The following PDZRN3 variants were observed in gnomAD, a reference collection of about 807,000 sequenced individuals.
PDZRN3 encodes the protein PDZ domain containing ring finger 3.
PDZRN3 carries 38 observed loss-of-function variants against 85.7 expected under a neutral mutation model. That is an observed-to-expected ratio of 0.44 (90% CI 0.34 to 0.58). PDZRN3 has a LOEUF of 0.58. Ranked by LOEUF, PDZRN3 falls within the 20% of genes least tolerant of loss-of-function variation. PDZRN3 has a pLI of 0.01. For missense variants in PDZRN3, 1,629 were observed against 1,506.4 expected (o/e 1.08, Z -1.35); for synonymous variants, 759 against 638.0 (o/e 1.19, Z -2.86).
At chr3:73,581,598 CA>C (rs1004186716) in intron 3 of PDZRN3, among the ~76,000 whole-genome samples, 4 of 151,900 alleles carry the variant, frequency 2.6e-5, no homozygotes, top group African/African-American at 7.2e-5. Context: ...CTTGTAGGTC[CA>C]AAAAAATGCA....
Position 73,557,346 on chromosome 3 carries a change from C to A in PDZRN3, c.918+45008G>T, listed in dbSNP as rs570401463. 3.9e-5 allele frequency among the ~76,000 whole-genome samples: 6 copies of A among 152,318 alleles called. No homozygotes were observed. The South Asian group carries it at 1.0e-3, about 26-fold the overall frequency. On this transcript the variant is annotated intron_variant, in intron 3 of 9. Coordinates refer to ENST00000263666, the MANE Select transcript of PDZRN3 (RefSeq NM_015009.3). ...GGGTGTGTCATATTAGAGACAACAG[C>A]TGCTTCAAGTTAATAAAATCTGAAA...
intron 3 of PDZRN3, among the ~76,000 whole-genome samples, chr3:73,477,898 G>A (rs1241192233): frequency 6.6e-6 from 1 of 152,136 alleles, no homozygotes; most frequent in Non-Finnish European, 1.5e-5. Context: ...CGTGTGCAGG[G>A]GAACTGTCCT....
intron 3 of PDZRN3, among the ~76,000 whole-genome samples, chr3:73,578,201 T>TTGCCCAGGC (rs1192028786): frequency 2.0e-5 from 3 of 150,962 alleles, no homozygotes; most frequent in Non-Finnish European, 3.0e-5. Context: ...TCTCGCTCTG[T>TTGCCCAGGC]TGCCCAGGCT....
chr3:73,544,308 A>AC (rs1452577179), intron 3 of PDZRN3, among the ~76,000 whole-genome samples: 1 of 152,192 alleles, frequency 6.6e-6, no homozygotes, highest in Non-Finnish European at 1.5e-5. Flanking sequence ...TTATTATATT[A>AC]CACAGATGAG....
At chr3:73,565,786 AACACACAC>A (rs61564723) in intron 3 of PDZRN3, among the ~76,000 whole-genome samples, 3,165 of 37,874 alleles carry the variant, frequency 0.084, 120 homozygotes, top group African/African-American at 0.14. Context: ...AAAAATACAA[AACACACAC>A]ACACACACAC....
At chr3:73,569,705 A>G (rs533141088) in intron 3 of PDZRN3, among the ~76,000 whole-genome samples, 1 of 152,076 alleles carries the variant, frequency 6.6e-6, no homozygotes, top group Non-Finnish European at 1.5e-5. Context: ...TCAAACATGC[A>G]CTCACTGAGC....
intron 1 of PDZRN3, among the ~76,000 whole-genome samples, chr3:73,609,147 T>C (rs1702646105): frequency 6.6e-6 from 1 of 152,132 alleles, no homozygotes; most frequent in Non-Finnish European, 1.5e-5. Context: ...AATAGCCATC[T>C]CTGTTTGGGA....
chr3:73,617,648 A>G (rs1702783884), intron 1 of PDZRN3, among the ~76,000 whole-genome samples: 1 of 152,222 alleles, frequency 6.6e-6, no homozygotes, highest in Non-Finnish European at 1.5e-5. Flanking sequence ...TTACCAGGAT[A>G]AAAATTAAAG....
intron 3 of PDZRN3, among the ~76,000 whole-genome samples, chr3:73,440,832 C>T (rs1017148711): frequency 2.0e-5 from 3 of 152,182 alleles, no homozygotes; most frequent in Non-Finnish European, 2.9e-5. Flanking sequence ...AAATTCACAG[C>T]CTCTTAGGAA....
chr3:73,492,145 A>G (rs1368767908), intron 3 of PDZRN3, among the ~76,000 whole-genome samples: 1 of 152,224 alleles, frequency 6.6e-6, no homozygotes, highest in East Asian at 1.9e-4. Flanking sequence ...TTTCCTGAGC[A>G]TATCAGGCCC....
At chr3:73,522,692 T>C (rs1171292825) in intron 3 of PDZRN3, among the ~76,000 whole-genome samples, 2 of 152,214 alleles carry the variant, frequency 1.3e-5, no homozygotes, top group South Asian at 4.1e-4. Context: ...GCTCTTGGCC[T>C]CCCAAAGTGC....
chr3:73,555,524 T>C (rs141123033), intron 3 of PDZRN3, among the ~76,000 whole-genome samples: 1 of 152,346 alleles, frequency 6.6e-6, no homozygotes, highest in East Asian at 1.9e-4. Flanking sequence ...ATTATTCTCT[T>C]TGGTATACCC....
chr3:73,542,758 G>C (rs1048351752), intron 3 of PDZRN3, among the ~76,000 whole-genome samples: 2 of 151,950 alleles, frequency 1.3e-5, no homozygotes, highest in Non-Finnish European at 2.9e-5. Flanking sequence ...TGGGCGACAA[G>C]TGGGAAACTC....
intron 3 of PDZRN3, among the ~76,000 whole-genome samples, chr3:73,499,552 C>G (rs1703935114): frequency 6.6e-6 from 1 of 152,202 alleles, no homozygotes; most frequent in African/African-American, 2.4e-5. Flanking sequence ...TAGATATTAA[C>G]AACCACAAGT....
chr3:73,513,934 T>G (rs1273258643), intron 3 of PDZRN3, among the ~76,000 whole-genome samples: 2 of 152,232 alleles, frequency 1.3e-5, no homozygotes, highest in East Asian at 3.8e-4. Flanking sequence ...TCTATGTCCT[T>G]CTAGTTGGTA....
intron 3 of PDZRN3, among the ~76,000 whole-genome samples, chr3:73,497,871 G>T (rs982627578): frequency 2.7e-5 from 4 of 150,882 alleles, no homozygotes; most frequent in African/African-American, 9.9e-5. Flanking sequence ...TCGAACCTCT[G>T]GGCCCACACC....
intron 3 of PDZRN3, among the ~76,000 whole-genome samples, chr3:73,474,248 G>A (rs1703405273): frequency 6.6e-6 from 1 of 152,174 alleles, no homozygotes. Context: ...AAGATCAAAG[G>A]TAACATGGTT....
At chr3:73,551,315 T>G (rs887641981) in intron 3 of PDZRN3, among the ~76,000 whole-genome samples, 1 of 152,184 alleles carries the variant, frequency 6.6e-6, no homozygotes, top group Non-Finnish European at 1.5e-5. Flanking sequence ...GAAAAGTCAA[T>G]GTAGCAAAAA....
chr3:73,548,581 G>T (rs924312298), intron 3 of PDZRN3, among the ~76,000 whole-genome samples: 1 of 152,180 alleles, frequency 6.6e-6, no homozygotes, highest in Non-Finnish European at 1.5e-5. Context: ...CATCCATATT[G>T]TAAGATTGGT....
Sources: gnomAD v4.1 joint callset for allele counts (sites outside exome capture counted in the v4.1 genomes callset) on GRCh38, gnomAD v4.1.1 for gene constraint, MANE v1.5 for transcripts, NCBI Gene and HGNC (gene_info 2026-07-23, HGNC 2026-07-21) for gene names.